Variants in WDR44 observed in about 807,000 individuals in gnomAD.
WDR44 encodes WD repeat domain 44.
WDR44 carries 9 observed loss-of-function variants against 65.7 expected under a neutral mutation model. The ratio of observed to expected loss-of-function variants is 0.14; its 90% CI spans 0.08 to 0.24. WDR44 has a LOEUF of 0.24. Among genes scored for constraint, WDR44 ranks in the 10% least tolerant of loss-of-function variants. The pLI, the probability that WDR44 is intolerant of heterozygous loss-of-function variation, is 1.00. For synonymous variants in WDR44, 220 were observed against 235.2 expected (o/e 0.94, Z 0.59); for missense variants, 425 against 670.9 (o/e 0.63, Z 4.05).
At chrX:118,361,607 T>A (rs1272756968) in intron 1 of WDR44, among the ~76,000 whole-genome samples, 1 of 110,466 alleles carries the variant, frequency 9.1e-6, no homozygotes, top group African/African-American at 3.3e-5. Flanking sequence ...TAAAAAAAAA[T>A]TAGCCATATG....
intron 1 of WDR44, among the ~76,000 whole-genome samples, chrX:118,352,333 TATATATATATATATA>T (rs1569354334): frequency 2.9e-4 from 5 of 17,004 alleles, no homozygotes; most frequent in African/African-American, 1.8e-3. Context: ...TATATATATA[TATATATATATATATA>T]TATATTTTTT....
At chrX:118,406,401 T>C (rs939795543) in intron 9 of WDR44, among the ~76,000 whole-genome samples, 9 of 111,470 alleles carry the variant, frequency 8.1e-5, no homozygotes, top group Admixed American at 7.7e-4. Context: ...CCCCTGTTTG[T>C]ATAAAAATAA....
chrX:118,447,165 A>T, intron 19 of WDR44: 1 of 259,694 alleles, frequency 3.9e-6, no homozygotes, highest in South Asian at 3.9e-5. Context: ...GAGACATCAT[A>T]CCTGGCCTTT....
intron 12 of WDR44, among the ~76,000 whole-genome samples, chrX:118,428,352 C>T (rs1488126987): frequency 9.1e-6 from 1 of 110,132 alleles, no homozygotes; most frequent in Non-Finnish European, 1.9e-5. Flanking sequence ...GTTGTCCAGT[C>T]TGGTCTCAAA....
intron 12 of WDR44, among the ~76,000 whole-genome samples, chrX:118,415,221 A>G (rs1328932794): frequency 9.9e-6 from 1 of 100,987 alleles, no homozygotes; most frequent in Admixed American, 1.1e-4. Context: ...CATCCCTGCT[A>G]TGAAACCCAC....
chrX:118,362,536 A>AT (rs1189675057), intron 1 of WDR44, among the ~76,000 whole-genome samples: 2 of 111,533 alleles, frequency 1.8e-5, no homozygotes, highest in Admixed American at 9.5e-5. Flanking sequence ...TTTGCTGAGC[A>AT]TTTTTGATAA....
At chrX:118,387,731 G>A (rs1202587694) in intron 3 of WDR44, among the ~76,000 whole-genome samples, 1 of 111,724 alleles carries the variant, frequency 9.0e-6, no homozygotes, top group Non-Finnish European at 1.9e-5. Context: ...GAAAAGCTCA[G>A]TGCAGCAACA....
At chrX:118,444,624 T>G in intron 19 of WDR44, 130 bp downstream of exon 19, 2 of 823,897 alleles carry the variant, frequency 2.4e-6, no homozygotes, top group East Asian at 7.4e-5. Context: ...AGACAGGGTC[T>G]TGCTCTGTCA....
intron 8 of WDR44, among the ~76,000 whole-genome samples, chrX:118,403,266 A>G (rs2056935591): frequency 8.9e-6 from 1 of 112,009 alleles, no homozygotes; most frequent in Non-Finnish European, 1.9e-5. Context: ...AACGGGGACT[A>G]TGTAACAAAA....
At chrX:118,378,821 G>T (rs2056686860) in intron 2 of WDR44, among the ~76,000 whole-genome samples, 1 of 104,926 alleles carries the variant, frequency 9.5e-6, no homozygotes, top group East Asian at 3.0e-4. Context: ...ATCAGTTGAG[G>T]TCAGGAGTTT....
intron 1 of WDR44, among the ~76,000 whole-genome samples, chrX:118,347,430 A>T (rs749639648): frequency 8.9e-6 from 1 of 112,232 alleles, no homozygotes; most frequent in African/African-American, 3.2e-5. Flanking sequence ...TAGGACTTGT[A>T]TTTACTTACC....
intron 1 of WDR44, among the ~76,000 whole-genome samples, chrX:118,363,060 T>C (rs1373231857): frequency 9.2e-6 from 1 of 108,344 alleles, no homozygotes; most frequent in Non-Finnish European, 1.9e-5. Context: ...TTTATTTTAG[T>C]GTCCAATGCT....
chrX:118,352,348 A>ATTTTTTTTT (rs1349245989), intron 1 of WDR44, among the ~76,000 whole-genome samples: 7 of 23,334 alleles, frequency 3.0e-4, no homozygotes, highest in African/African-American at 7.6e-4. Flanking sequence ...ATATATATAT[A>ATTTTTTTTT]TATATTTTTT....
intron 2 of WDR44, among the ~76,000 whole-genome samples, chrX:118,379,895 A>T (rs1426640977): frequency 9.0e-6 from 1 of 111,510 alleles, no homozygotes; most frequent in African/African-American, 3.3e-5. Flanking sequence ...CTTTCCTTCC[A>T]CTTCTCATCC....
At chrX:118,414,108 G>T (rs746897481) in intron 12 of WDR44, among the ~76,000 whole-genome samples, 20 of 110,874 alleles carry the variant, frequency 1.8e-4, no homozygotes, top group Non-Finnish European at 3.6e-4. Flanking sequence ...AAATCAGTAA[G>T]TGTGACGCCT....
At chrX:118,369,861 A>G (rs1023233717) in intron 1 of WDR44, among the ~76,000 whole-genome samples, 1 of 112,471 alleles carries the variant, frequency 8.9e-6, no homozygotes, top group Non-Finnish European at 1.9e-5. Flanking sequence ...AATTGCCTTT[A>G]TATTCAAAAC....
chrX:118,413,058 G>A (rs1032162819), intron 12 of WDR44, among the ~76,000 whole-genome samples: 3 of 112,075 alleles, frequency 2.7e-5, no homozygotes, highest in African/African-American at 6.5e-5. Flanking sequence ...GTATTCCATC[G>A]TGTATACATA....
At chrX:118,440,661 C>T (rs2147752388) in intron 14 of WDR44, among the ~76,000 whole-genome samples, 1 of 111,612 alleles carries the variant, frequency 9.0e-6, no homozygotes, top group Admixed American at 9.7e-5. Context: ...AAAAGTGCTA[C>T]CTACTTTATC....
At chrX:118,387,800 A>G (rs762741914) in intron 3 of WDR44, among the ~76,000 whole-genome samples, 2 of 111,793 alleles carry the variant, frequency 1.8e-5, no homozygotes, top group South Asian at 7.4e-4. Context: ...AGTACCTGAT[A>G]CCTTTTAAAA....
Sources: gnomAD v4.1 joint callset for allele counts (sites outside exome capture counted in the v4.1 genomes callset) on GRCh38, gnomAD v4.1.1 for gene constraint, MANE v1.5 for transcripts, NCBI Gene and HGNC (gene_info 2026-07-23, HGNC 2026-07-21) for gene names.